The following STX3 variants were observed in gnomAD, a reference collection of about 807,000 sequenced individuals.
STX3 encodes syntaxin 3, also known as syntaxin-3.
In STX3, 19 loss-of-function variants were observed where a neutral mutation model predicts 40.2. The ratio of observed to expected loss-of-function variants is 0.47; its 90% confidence interval spans 0.33 to 0.69. The LOEUF is 0.69. Ranked by LOEUF, STX3 falls within the 30% of genes least tolerant of loss-of-function variation. STX3 has a pLI of 0.02. For missense variants in STX3, 364 were observed against 366.7 expected, an observed-to-expected ratio of 0.99 and a Z score of 0.06; for synonymous variants, 122 against 132.2, an observed-to-expected ratio of 0.92 and a Z score of 0.53.
chr11:59,792,594 A>T (rs1190702536), intron 6 of STX3, among the ~76,000 whole-genome samples: 1 of 152,126 alleles, frequency 6.6e-6, no homozygotes, highest in Non-Finnish European at 1.5e-5. Flanking sequence ...TGCTGGGAGG[A>T]TTAGAGAAAT....
intron 2 of STX3, among the ~76,000 whole-genome samples, chr11:59,775,688 A>G (rs1863927348): frequency 6.6e-6 from 1 of 152,206 alleles, no homozygotes; most frequent in Non-Finnish European, 1.5e-5. Flanking sequence ...GGATGCCATG[A>G]GGATCATATG....
At chr11:59,762,015 T>G (rs1863064508) in intron 1 of STX3, among the ~76,000 whole-genome samples, 1 of 152,204 alleles carries the variant, frequency 6.6e-6, no homozygotes, top group African/African-American at 2.4e-5. Flanking sequence ...CCATACTTTA[T>G]TTGGATTTCA....
In STX3 at chr11:59,803,129, T is replaced by A. The variant is rs1019579959; in HGVS notation, c.*2305T>A. ...GTTGCTCTCTTCCTTCACACCCTCT[T>A]CCATGTCCACATGCACTTATCTCCC... is the stretch of plus-strand genomic sequence containing the variant. On this transcript the variant is annotated 3_prime_UTR_variant, in exon 11 of 11. Transcript: ENST00000337979. 8.1e-7 allele frequency: 1 copy of A among 1,230,198 alleles called. No individual in the cohort carries two copies. The highest frequency in any genetic ancestry group is 1.6e-5 in the African/African-American group (1 of 64,376). The allele number at this position is 1,230,198 out of a possible 1,614,324, so 76.2% of individuals were successfully genotyped here.
intron 2 of STX3, chr11:59,781,773 A>G: frequency 6.5e-7 from 1 of 1,529,936 alleles, no homozygotes; most frequent in Non-Finnish European, 8.9e-7. Flanking sequence ...TTCTAAAGCA[A>G]AGAAGCAAAC....
intron 2 of STX3, among the ~76,000 whole-genome samples, chr11:59,783,719 A>T (rs1217834930): frequency 6.6e-6 from 1 of 152,210 alleles, no homozygotes; most frequent in Admixed American, 6.5e-5. Context: ...ATTTCACACC[A>T]TTAAATACTC....
chr11:59,778,814 A>C lies in STX3; in HGVS notation c.114+5520A>C, dbSNP rs949820655. 3.3e-5 allele frequency among the ~76,000 whole-genome samples: 5 copies of C among 149,750 alleles called. No individual in the cohort carries two copies. The East Asian group carries it at 9.7e-4, about 29-fold the overall frequency. On this transcript the variant is annotated intron_variant, in intron 2 of 10. Coordinates refer to ENST00000337979, the MANE Select transcript of STX3 (RefSeq NM_004177.5). ...TGGAACTTCTATTAATAAGGATGAA[A>C]GTTTTCTTTTCTTTTCCTTTTTTTT...
chr11:59,762,758 A>C (rs1380859912), intron 1 of STX3, among the ~76,000 whole-genome samples: 1 of 152,164 alleles, frequency 6.6e-6, no homozygotes, highest in Non-Finnish European at 1.5e-5. Context: ...GGAAGGATCT[A>C]AAGGACACCT....
At chr11:59,784,291 G>C (rs934992952) in intron 2 of STX3, among the ~76,000 whole-genome samples, 1 of 152,174 alleles carries the variant, frequency 6.6e-6, no homozygotes, top group Non-Finnish European at 1.5e-5. Context: ...TTTAAAATTT[G>C]ATAAACTCAT....
chr11:59,788,099 TCTC>T lies in STX3; in HGVS notation c.215-773_215-771del, dbSNP rs573759472. Among the ~76,000 whole-genome samples, 12 of 152,310 alleles carry T rather than the reference TCTC, an allele frequency of 7.9e-5. 1 individual carries two copies. Among genetic ancestry groups the T allele is most frequent in the Admixed American group, 7.8e-4 (12 of 15,292 alleles). ...CTCATACCCTTTACTTACTGTTTCT[TCTC>T]GTGGAATTCCTGCTTTTAGTCTCTT... is the stretch of plus-strand genomic sequence containing the variant. On this transcript the variant is annotated intron_variant, in intron 3 of 10. Transcript: ENST00000337979.
intron 2 of STX3, among the ~76,000 whole-genome samples, chr11:59,785,865 G>A (rs1179070616): frequency 6.6e-6 from 1 of 152,140 alleles, no homozygotes; most frequent in Admixed American, 6.5e-5. Flanking sequence ...CAGGTGCTGA[G>A]GTCTCTCCTT....
Position 59,801,382 on chromosome 11 carries a change from C to G in STX3, c.*558C>G, listed in dbSNP as rs1437365363. ...AGGGACTGGCAGATGTCATTTTGGTCTAAAGAGCTGACTTGTTTGAAATTC... is the reference window on the plus strand; with the variant it reads ...AGGGACTGGCAGATGTCATTTTGGTGTAAAGAGCTGACTTGTTTGAAATTC... On this transcript the variant is annotated 3_prime_UTR_variant, in exon 11 of 11. Transcript: ENST00000337979. 2.0e-6 allele frequency: 2 copies of G among 988,608 alleles called. No homozygotes were observed. The highest frequency in any genetic ancestry group is 2.4e-6 in the Non-Finnish European group (2 of 831,672). The allele number at this position is 988,608 out of a possible 1,614,324, so 61.2% of individuals were successfully genotyped here.
intron 2 of STX3, among the ~76,000 whole-genome samples, chr11:59,777,441 A>G (rs1467051101): frequency 6.6e-6 from 1 of 152,228 alleles, no homozygotes; most frequent in East Asian, 1.9e-4. Flanking sequence ...AGTGTGTTTT[A>G]GAAAATTCAC....
chr11:59,788,975 C>T (rs771741253), intron 4 of STX3, 28 bp downstream of exon 4: 7 of 1,584,414 alleles, frequency 4.4e-6, no homozygotes, highest in South Asian at 3.4e-5. Flanking sequence ...AAAACAAGGC[C>T]GTCCCCACCA....
chr11:59,790,400 A>C (rs1202593285), intron 4 of STX3, 119 bp from the exon 5 acceptor site: 1 of 759,056 alleles, frequency 1.3e-6, no homozygotes, highest in Non-Finnish European at 2.3e-6. Context: ...TTGAGGTGAC[A>C]CCTACCTGTT....
At chr11:59,774,003 A>T (rs907942027) in intron 2 of STX3, among the ~76,000 whole-genome samples, 1 of 148,302 alleles carries the variant, frequency 6.7e-6, no homozygotes, top group Non-Finnish European at 1.5e-5. Context: ...AAAAAAAATT[A>T]TAGTCCCTCT....
chr11:59,773,170 T>C, intron 1 of STX3, 41 bp from the exon 2 acceptor site: 4 of 1,586,302 alleles, frequency 2.5e-6, no homozygotes, highest in Non-Finnish European at 3.5e-6. Context: ...AGCCATTTAT[T>C]GTGTTTTTAG....
In STX3 at chr11:59,765,795, C is replaced by T. The variant is rs1269621708; in HGVS notation, c.31-7416C>T. On this transcript the variant is annotated intron_variant, in intron 1 of 10. Coordinates refer to ENST00000337979, the MANE Select transcript of STX3 (RefSeq NM_004177.5). The stretch of plus-strand genomic sequence containing the variant: ...CTCCAGCCTGGAAGATAGAGCAAGA[C>T]TCTGTCTCAAACAAACAAACAAACA... 2.0e-5 allele frequency among the ~76,000 whole-genome samples: 3 copies of T among 151,950 alleles called. No individual in the cohort carries two copies. The East Asian group carries it at 5.8e-4, about 29-fold the overall frequency.
chr11:59,799,398 C>T (rs1268130918), intron 10 of STX3, among the ~76,000 whole-genome samples: 1 of 152,192 alleles, frequency 6.6e-6, no homozygotes, highest in Non-Finnish European at 1.5e-5. Flanking sequence ...CATCATTCCA[C>T]AGCATTAAAA....
At chr11:59,788,787 C>G (rs537062752) in intron 3 of STX3, 86 bp from the exon 4 acceptor site, 2 of 1,152,672 alleles carry the variant, frequency 1.7e-6, no homozygotes, top group African/African-American at 1.5e-5. Flanking sequence ...CGATAAAGCT[C>G]CCCTCCTCTG....
Sources: gnomAD v4.1 joint callset for allele counts (sites outside exome capture counted in the v4.1 genomes callset) on GRCh38, gnomAD v4.1.1 for gene constraint, MANE v1.5 for transcripts, NCBI Gene and HGNC (gene_info 2026-07-23, HGNC 2026-07-21) for gene names.